SLC28A3: variants seen among roughly 807,000 people sequenced by gnomAD.
SLC28A3 encodes concentrative Na(+)-nucleoside cotransporter 3.
In SLC28A3, 68 loss-of-function variants were observed where a neutral mutation model predicts 84.2. The observed-to-expected ratio is 0.81, with a 90% CI of 0.66 to 0.99. The LOEUF (loss-of-function observed/expected upper bound fraction) is 0.99, where lower values mean the gene tolerates loss of function less well. Ranked by LOEUF, SLC28A3 falls within the 50% of genes least tolerant of loss-of-function variation. The pLI is 0.00. For missense variants in SLC28A3, 712 were observed against 841.5 expected (o/e 0.85, Z 1.90); for synonymous variants, 267 against 303.6 (o/e 0.88, Z 1.25).
intron 1 of SLC28A3, among the ~76,000 whole-genome samples, chr9:84,321,977 G>C (rs907344635): frequency 1.6e-4 from 25 of 152,134 alleles, no homozygotes; most frequent in African/African-American, 6.0e-4. Flanking sequence ...TTGAACTCAG[G>C]GGGCAGAGGT....
At chr9:84,322,226 G>T (rs997941520) in intron 1 of SLC28A3, among the ~76,000 whole-genome samples, 6 of 152,202 alleles carry the variant, frequency 3.9e-5, no homozygotes, top group Non-Finnish European at 5.9e-5. Flanking sequence ...AAATTCTATT[G>T]TTGGAATAAG....
intron 1 of SLC28A3, among the ~76,000 whole-genome samples, chr9:84,325,597 G>T (rs1467685721): frequency 6.6e-6 from 1 of 152,112 alleles, no homozygotes; most frequent in East Asian, 1.9e-4. Flanking sequence ...ATAATGCCTG[G>T]CACAATGTCA....
the SLC28A3 span, among the ~76,000 whole-genome samples, chr9:84,362,567 G>A: frequency 6.6e-6 from 1 of 151,998 alleles, no homozygotes; most frequent in Admixed American, 6.6e-5. Flanking sequence ...GGGAGGCGGA[G>A]ATTGCAGTGA....
rs11568392 is a variant in SLC28A3, at chr9:84,280,856, G to A, written c.1674C>T (p.Tyr558=). 3,341 of 1,614,044 alleles carry A rather than the reference G, an allele frequency of 2.1e-3. 63 individuals are homozygous for A. The East Asian group carries it at 0.047, about 23-fold the overall frequency. The change falls in exon 15 of 18, where the codon TAC becomes TAT. Residue 558 remains tyrosine, a synonymous_variant. Coordinates refer to ENST00000376238, the MANE Select transcript of SLC28A3 (RefSeq NM_001199633.2). ...ISIRSEIIAT[Y]ALCGFANIGS... ...CGATATTGGCAAAACCACAGAGAGC[G>A]TAAGTGGCGATTATCTCAGAACGAA...
At chr9:84,357,901 C>T in the SLC28A3 span, among the ~76,000 whole-genome samples, 1 of 152,146 alleles carries the variant, frequency 6.6e-6, no homozygotes, top group African/African-American at 2.4e-5. Context: ...AAAGGCAGGT[C>T]TAGATGCAGG....
At chr9:84,352,425 C>T in the SLC28A3 span, among the ~76,000 whole-genome samples, 318 of 151,966 alleles carry the variant, frequency 2.1e-3, 1 homozygote, top group African/African-American at 7.3e-3. Context: ...CCTCATGATC[C>T]GCCTGCCTGT....
chr9:84,365,611 T>A, the SLC28A3 span, among the ~76,000 whole-genome samples: 4 of 152,252 alleles, frequency 2.6e-5, no homozygotes, highest in Non-Finnish European at 5.9e-5. Context: ...CAAACTTTTC[T>A]TGTAGTAGTT....
At chr9:84,359,095 C>A in the SLC28A3 span, among the ~76,000 whole-genome samples, 1 of 152,210 alleles carries the variant, frequency 6.6e-6, no homozygotes, top group Non-Finnish European at 1.5e-5. Flanking sequence ...CTTCTGTTTC[C>A]AAGTCAGCAT....
intron 1 of SLC28A3, among the ~76,000 whole-genome samples, chr9:84,318,378 G>A (rs1826244860): frequency 6.6e-6 from 1 of 152,100 alleles, no homozygotes; most frequent in African/African-American, 2.4e-5. Context: ...TGTAACACTA[G>A]CAATGTCTAT....
chr9:84,335,534 T>TGAA (rs1315474442), intron 1 of SLC28A3, among the ~76,000 whole-genome samples: 7 of 152,034 alleles, frequency 4.6e-5, no homozygotes, highest in Admixed American at 2.0e-4. Context: ...GGTGACAGAG[T>TGAA]GAAGCCCTGT....
At chr9:84,301,964 C>T (rs1825650223) in intron 5 of SLC28A3, among the ~76,000 whole-genome samples, 1 of 152,172 alleles carries the variant, frequency 6.6e-6, no homozygotes. Context: ...ATTTAATACA[C>T]TTGACATTAA....
the SLC28A3 span, among the ~76,000 whole-genome samples, chr9:84,349,939 G>C: frequency 6.6e-6 from 1 of 152,164 alleles, no homozygotes; most frequent in South Asian, 2.1e-4. Context: ...TCCTTAGGCA[G>C]TTTTTTCATC....
the SLC28A3 span, among the ~76,000 whole-genome samples, chr9:84,364,385 C>G: frequency 6.6e-6 from 1 of 152,076 alleles, no homozygotes; most frequent in Admixed American, 6.6e-5. Flanking sequence ...CATGAGTCAC[C>G]ACGCCTGACC....
intron 1 of SLC28A3, among the ~76,000 whole-genome samples, chr9:84,328,531 G>T (rs955144726): frequency 2.2e-4 from 33 of 152,136 alleles, no homozygotes; most frequent in African/African-American, 8.0e-4. Flanking sequence ...GGCTGAGGCG[G>T]GTGGATCACC....
intron 1 of SLC28A3, among the ~76,000 whole-genome samples, chr9:84,313,876 AAAAAAAG>A (rs1300905541): frequency 2.0e-5 from 3 of 151,138 alleles, no homozygotes; most frequent in Non-Finnish European, 2.9e-5. Flanking sequence ...CTGAAAAAAA[AAAAAAAG>A]AAAAGAAAAG....
chr9:84,310,496 A>G, intron 2 of SLC28A3: 1 of 985,414 alleles, frequency 1.0e-6, no homozygotes, highest in Non-Finnish European at 1.2e-6. Flanking sequence ...GAGGAAATAG[A>G]TGGAGGTGGA....
intron 3 of SLC28A3, among the ~76,000 whole-genome samples, chr9:84,306,013 G>C (rs10512147): frequency 1.3e-5 from 2 of 152,104 alleles, no homozygotes; most frequent in Non-Finnish European, 2.9e-5. Flanking sequence ...TGTAGGTTGG[G>C]TCATGTCTTC....
intron 8 of SLC28A3, among the ~76,000 whole-genome samples, chr9:84,296,185 A>G (rs547771450): frequency 1.4e-4 from 22 of 152,338 alleles, no homozygotes; most frequent in African/African-American, 5.3e-4. Flanking sequence ...ATCTCACTCT[A>G]TAAACATTTG....
chr9:84,297,007 T>C (rs1413582860), intron 8 of SLC28A3, among the ~76,000 whole-genome samples: 1 of 152,236 alleles, frequency 6.6e-6, no homozygotes, highest in Non-Finnish European at 1.5e-5. Flanking sequence ...CTCTAGATGT[T>C]TCCCTTAACT....
Sources: allele counts gnomAD v4.1 joint callset (sites outside exome capture counted in the v4.1 genomes callset), GRCh38; gene constraint gnomAD v4.1.1; transcripts MANE v1.5; gene names NCBI Gene and HGNC (gene_info 2026-07-23, HGNC 2026-07-21).